The following HYCC1 variants were observed in gnomAD, a reference collection of about 807,000 sequenced individuals.
The protein encoded by HYCC1 is hyccin.
At chr7:23,002,060 T>C in the HYCC1 span, among the ~76,000 whole-genome samples, 2 of 149,924 alleles carry the variant, frequency 1.3e-5, no homozygotes, top group Non-Finnish European at 1.5e-5. Flanking sequence ...CAAAGCACTA[T>C]AAAAATTGAC....
the HYCC1 span, among the ~76,000 whole-genome samples, chr7:22,963,450 T>C: frequency 4.5e-4 from 69 of 152,106 alleles, no homozygotes; most frequent in Non-Finnish European, 8.4e-4. Context: ...CTAGACTTGA[T>C]CTAGTCAAGG....
chr7:23,003,997 C>T, the HYCC1 span, among the ~76,000 whole-genome samples: 3 of 152,152 alleles, frequency 2.0e-5, no homozygotes, highest in Non-Finnish European at 4.4e-5. Flanking sequence ...GTAACCAAAG[C>T]AGAAATAAAT....
At chr7:22,945,242 A>G in the HYCC1 span, 1 of 320,942 alleles carries the variant, frequency 3.1e-6, no homozygotes, top group Middle Eastern at 1.0e-3. Context: ...ACCAAACCAA[A>G]ACAAGAAAAA....
the HYCC1 span, among the ~76,000 whole-genome samples, chr7:22,990,187 C>A: frequency 5.9e-5 from 9 of 152,192 alleles, no homozygotes; most frequent in African/African-American, 2.2e-4. Flanking sequence ...GATGTTCACC[C>A]CATTATAAAT....
At chr7:22,897,488 T>G in the HYCC1 span, among the ~76,000 whole-genome samples, 1 of 152,206 alleles carries the variant, frequency 6.6e-6, no homozygotes. Context: ...CAAGGGATGA[T>G]GGTAGTTCAC....
At chr7:22,985,886 CTA>C in the HYCC1 span, among the ~76,000 whole-genome samples, 3 of 149,308 alleles carry the variant, frequency 2.0e-5, no homozygotes, top group African/African-American at 4.9e-5. Context: ...ACATATGTAA[CTA>C]TGTATACATA....
At chr7:22,920,109 C>G in the HYCC1 span, among the ~76,000 whole-genome samples, 1 of 152,136 alleles carries the variant, frequency 6.6e-6, no homozygotes, top group South Asian at 2.1e-4. Context: ...CGAAGGATAG[C>G]TTGAACCCAG....
the HYCC1 span, among the ~76,000 whole-genome samples, chr7:22,996,048 A>T: frequency 6.6e-6 from 1 of 152,132 alleles, no homozygotes; most frequent in African/African-American, 2.4e-5. Flanking sequence ...TAATCCCAGC[A>T]CTTTGGGAGG....
the HYCC1 span, chr7:22,942,090 A>G: frequency 6.6e-6 from 1 of 152,172 alleles, no homozygotes; most frequent in Non-Finnish European, 1.5e-5. Flanking sequence ...GTCTCAGAGT[A>G]CATCTGTTCT....
At chr7:22,945,501 T>C in the HYCC1 span, 27 of 955,644 alleles carry the variant, frequency 2.8e-5, no homozygotes, top group Non-Finnish European at 4.6e-5. Flanking sequence ...CTGTCAGGAA[T>C]ACGGATGAAA....
the HYCC1 span, chr7:22,960,409 T>G: frequency 6.2e-7 from 1 of 1,611,822 alleles, no homozygotes; most frequent in Non-Finnish European, 8.5e-7. Flanking sequence ...TTTATTGCAT[T>G]AGCAACCTAA....
chr7:22,945,446 T>TTC, the HYCC1 span: 2 of 681,192 alleles, frequency 2.9e-6, no homozygotes, highest in Non-Finnish European at 5.2e-6. Flanking sequence ...CAATCTTCCC[T>TTC]TCATAAAGTC....
At chr7:22,907,104 CAAAA>C in the HYCC1 span, among the ~76,000 whole-genome samples, 25 of 43,544 alleles carry the variant, frequency 5.7e-4, no homozygotes, top group South Asian at 3.0e-3. Context: ...GACTCTATCT[CAAAA>C]AAAAAAAAAA....
chr7:23,010,094 C>G, the HYCC1 span, among the ~76,000 whole-genome samples: 1 of 152,120 alleles, frequency 6.6e-6, no homozygotes, highest in Non-Finnish European at 1.5e-5. Context: ...TTAAGATGCT[C>G]TCTAATTTTT....
chr7:22,960,317 A>G, the HYCC1 span: 11 of 1,613,700 alleles, frequency 6.8e-6, no homozygotes, highest in East Asian at 2.2e-4. Context: ...TTGATATTCG[A>G]GAGGAAGTTG....
At chr7:22,973,969 C>T in the HYCC1 span, among the ~76,000 whole-genome samples, 1 of 152,126 alleles carries the variant, frequency 6.6e-6, no homozygotes, top group Non-Finnish European at 1.5e-5. Context: ...TCAAAAAATA[C>T]ATTTATATAT....
the HYCC1 span, among the ~76,000 whole-genome samples, chr7:22,918,080 T>C: frequency 6.6e-6 from 1 of 152,172 alleles, no homozygotes; most frequent in Admixed American, 6.5e-5. Flanking sequence ...GTGTTGTTTT[T>C]ACCTAAAATC....
the HYCC1 span, chr7:22,935,763 A>T: frequency 1.3e-5 from 2 of 152,080 alleles, no homozygotes; most frequent in Admixed American, 6.6e-5. Context: ...CTCCTGCCAC[A>T]GCCTCCTGAG....
chr7:22,930,233 C>A, the HYCC1 span, among the ~76,000 whole-genome samples: 1 of 149,742 alleles, frequency 6.7e-6, no homozygotes. Flanking sequence ...AGGAGATATA[C>A]CTAATGCTAA....
Sources: gnomAD v4.1 joint callset for allele counts (sites outside exome capture counted in the v4.1 genomes callset) on GRCh38, gnomAD v4.1.1 for gene constraint, MANE v1.5 for transcripts, NCBI Gene and HGNC (gene_info 2026-07-23, HGNC 2026-07-21) for gene names.